Variants in NDUFS7 observed in about 807,000 individuals in gnomAD.
NDUFS7 encodes NADH:ubiquinone oxidoreductase core subunit S7.
A neutral mutation model predicts 31.1 loss-of-function variants in NDUFS7; 11 were observed. The ratio of observed to expected loss-of-function variants is 0.35; its 90% CI spans 0.22 to 0.59. The LOEUF (loss-of-function observed/expected upper bound fraction) is 0.59. Ranked by LOEUF, NDUFS7 falls within the 20% of genes least tolerant of loss-of-function variation. NDUFS7 has a pLI of 0.79. For synonymous variants in NDUFS7, 136 were observed against 127.9 expected (o/e 1.06, Z -0.43); for missense variants, 263 against 324.2 (o/e 0.81, Z 1.45).
At chr19:1,389,479 G>A in intron 4 of NDUFS7, 1 of 457,582 alleles carries the variant, frequency 2.2e-6, no homozygotes, top group East Asian at 6.9e-5. Context: ...CTGGTGGCCT[G>A]TGGTTCCATC....
chr19:1,394,825 C>A, intron 7 of NDUFS7: 1 of 1,165,652 alleles, frequency 8.6e-7, no homozygotes, highest in East Asian at 6.5e-5. Context: ...CCTGCTGTCC[C>A]CGTTGGGCCC....
At chr19:1,392,653 A>G (rs1425156647) in intron 6 of NDUFS7, 1 of 162,274 alleles carries the variant, frequency 6.2e-6, no homozygotes, top group Non-Finnish European at 1.4e-5. Context: ...TTCTTGGCTG[A>G]ATAATATCCC....
intron 4 of NDUFS7, chr19:1,389,938 C>G: frequency 4.9e-6 from 1 of 204,236 alleles, no homozygotes; most frequent in South Asian, 7.1e-5. Flanking sequence ...GAGGCTCGCT[C>G]TGTCGCCCAG....
At chr19:1,394,477 T>G in intron 7 of NDUFS7, 3 of 1,180,614 alleles carry the variant, frequency 2.5e-6, no homozygotes, top group Non-Finnish European at 2.1e-6. Flanking sequence ...GTGCTCCCTG[T>G]CTGGGGACTG....
At position 1,391,103 on chromosome 19, in the gene NDUFS7, C is replaced by T. The variant is rs2082553911; in HGVS notation, c.409-16C>T. 1.2e-6 allele frequency: 2 copies of T among 1,612,280 alleles called. No individual in the cohort carries two copies. The highest frequency in any genetic ancestry group is 1.7e-6 in the Non-Finnish European group (2 of 1,179,474). On this transcript the variant is annotated splice_polypyrimidine_tract_variant and intron_variant, in intron 5 of 7. Coordinates refer to ENST00000233627, the MANE Select transcript of NDUFS7 (RefSeq NM_024407.5). ...CCCCCAGAGTGAGCTGCGCACGGAC[C>T]CCGCCTCTCTTCCAGGTCTACGACC...
Position 1,395,474 on chromosome 19 carries a change from T to TGGTACCGCAGGTAGCGCC in NDUFS7, c.630_*5dup. On this transcript the variant is annotated stop_gained and inframe_insertion, in exon 8 of 8. Coordinates refer to ENST00000233627, the MANE Select transcript of NDUFS7 (RefSeq NM_024407.5). LOFTEE classifies it high-confidence loss of function. Reference sequence around the variant, plus strand: ...CAAGCGGGAGCGGAGGCTGCAGATCTGGTACCGCAGGTAGCGCCGCCGCCG... The same window carrying TGGTACCGCAGGTAGCGCC: ...CAAGCGGGAGCGGAGGCTGCAGATCTGGTACCGCAGGTAGCGCCGGTACCGCAGGTAGCGCCGCCGCCG... The TGGTACCGCAGGTAGCGCC allele has an allele frequency of 1.3e-6, 2 of 1,591,906 alleles. No homozygotes were observed. The highest frequency in any genetic ancestry group is 1.7e-6 in the Non-Finnish European group (2 of 1,171,358).
At chr19:1,394,589 G>A (rs796125804) in intron 7 of NDUFS7, 19 of 1,104,186 alleles carry the variant, frequency 1.7e-5, no homozygotes, top group East Asian at 2.2e-4. Flanking sequence ...GACCGCGCTC[G>A]GCCCTCCCTG....
At position 1,394,603 on chromosome 19, in the gene NDUFS7, A is replaced by C. The variant is rs1277206558; in HGVS notation, c.545-788A>C. On this transcript the variant is annotated intron_variant, in intron 7 of 7. Coordinates refer to ENST00000233627, the MANE Select transcript of NDUFS7 (RefSeq NM_024407.5). The stretch of plus-strand genomic sequence containing the variant: ...GGACCGCGCTCGGCCCTCCCTGGGG[A>C]CCGCGCCCCTCCCTCCCAGCGGACC... 66 of 1,197,824 alleles carry C rather than the reference A, an allele frequency of 5.5e-5. 1 individual carries two copies. In the South Asian group the frequency reaches 9.7e-4, roughly 18 times the overall value. The allele number at this position is 1,197,824 out of a possible 1,614,324, so 74.2% of individuals were successfully genotyped here. A position where few individuals can be genotyped will look rare whatever the true frequency, so the allele number is the denominator to read the frequency against.
chr19:1,395,262 C>G (rs1265614395), intron 7 of NDUFS7, 129 bp from the exon 8 acceptor site: 3 of 1,474,948 alleles, frequency 2.0e-6, no homozygotes, highest in Non-Finnish European at 2.7e-6. Context: ...CTGCGCCCAC[C>G]CAGGGCTGTC....
chr19:1,389,112 CCACACGCACA>C (rs1228477155), intron 4 of NDUFS7, 174 bp downstream of exon 4: 7 of 716,944 alleles, frequency 9.8e-6, no homozygotes, highest in Non-Finnish European at 1.5e-5. Flanking sequence ...TGTACACGGA[CCACACGCACA>C]CTCACGCACA....
Position 1,393,535 on chromosome 19 carries a change from C to G in NDUFS7, c.544+205C>G, listed in dbSNP as rs1390014706. 1.5e-6 allele frequency: 1 copy of G among 675,132 alleles called. No individual in the cohort carries two copies. The highest frequency in any genetic ancestry group is 2.7e-5 in the East Asian group (1 of 36,802). 41.8% of individuals were successfully genotyped at this position (675,132 alleles called of 1,614,324 possible). ...CGATGTATTCAGGCATCAGAGGGAT[C>G]AGAGGGAGCAGGGGAAGCTGAGTGG... On this transcript the variant is annotated intron_variant, in intron 7 of 7. Coordinates refer to ENST00000233627, the MANE Select transcript of NDUFS7 (RefSeq NM_024407.5). This position sits in a 1 kb window ranked among gnomAD's most constrained non-coding sequence, Gnocchi z 7.3.
rs118133938 is a variant in NDUFS7 at position 1,394,608 on chromosome 19, G to A, written c.545-783G>A. ...GCGCTCGGCCCTCCCTGGGGACCGCGCCCCTCCCTCCCAGCGGACCGCGCT... is the reference window on the plus strand; with the variant it reads ...GCGCTCGGCCCTCCCTGGGGACCGCACCCCTCCCTCCCAGCGGACCGCGCT... On this transcript the variant is annotated intron_variant, in intron 7 of 7. Transcript: ENST00000233627. The A allele has an allele frequency of 1.1e-3, 1,284 of 1,202,178 alleles. 26 individuals are homozygous for A. In the East Asian group the frequency reaches 0.056, roughly 53 times the overall value. 74.5% of individuals were successfully genotyped at this position (1,202,178 alleles called of 1,614,324 possible).
At chr19:1,394,994 A>T in intron 7 of NDUFS7, 1 of 1,127,604 alleles carries the variant, frequency 8.9e-7, no homozygotes, top group Non-Finnish European at 1.1e-6. Flanking sequence ...CCCTCCGCCC[A>T]GCCTCCCTGC....
chr19:1,388,424 G>A, intron 2 of NDUFS7, 101 bp from the exon 3 acceptor site: 2 of 1,108,592 alleles, frequency 1.8e-6, no homozygotes, highest in Non-Finnish European at 2.7e-6. Context: ...GGTGAGAACA[G>A]TCTCGCAGCA....
At chr19:1,394,913 C>G (rs1600154627) in intron 7 of NDUFS7, 1 of 1,120,232 alleles carries the variant, frequency 8.9e-7, no homozygotes, top group Non-Finnish European at 1.1e-6. Context: ...CAGCAAAGAG[C>G]TCTGGCTTGG....
Position 1,383,997 on chromosome 19 carries a change from G to T in NDUFS7, c.16+55G>T, listed in dbSNP as rs901951963. ...GCCGCGCGGGTCTGGGGCCGTGGGA[G>T]CCTCGGGTGTCGTGGTGGCGTCGGG... On this transcript the variant is annotated intron_variant, in intron 1 of 7. Transcript: ENST00000233627. The T allele has an allele frequency of 2.0e-6, 3 of 1,531,400 alleles. No individual in the cohort carries two copies. In the African/African-American group the frequency reaches 4.2e-5, roughly 22 times the overall value. 94.9% of individuals were successfully genotyped at this position (1,531,400 alleles called of 1,614,324 possible).
chr19:1,388,085 G>A (rs2082521857), intron 2 of NDUFS7: 1 of 626,364 alleles, frequency 1.6e-6, no homozygotes, highest in Admixed American at 2.4e-5. Context: ...GCCCGGCTCA[G>A]TGCCGTCAGA....
At chr19:1,389,055 ACT>A (rs1568989111) in intron 4 of NDUFS7, 117 bp downstream of exon 4, 4 of 863,334 alleles carry the variant, frequency 4.6e-6, no homozygotes, top group South Asian at 1.4e-5. Flanking sequence ...ATGCATGCAC[ACT>A]CACATGCGCA....
intron 1 of NDUFS7, 85 bp from the exon 2 acceptor site, chr19:1,387,726 C>A (rs1195426692): frequency 1.6e-6 from 2 of 1,266,088 alleles, no homozygotes; most frequent in African/African-American, 2.9e-5. Flanking sequence ...GCTGTGCGGG[C>A]AGGAGCCTGA....
Sources: allele counts gnomAD v4.1 joint callset, GRCh38; gene constraint gnomAD v4.1.1; non-coding constraint Gnocchi (gnomAD v3.1); transcripts MANE v1.5; gene names NCBI Gene and HGNC (gene_info 2026-07-23, HGNC 2026-07-21).